The following MGAT4C variants were observed in gnomAD, a reference collection of about 807,000 sequenced individuals.
MGAT4C encodes the protein alpha-1,3-mannosyl-glycoprotein 4-beta-N-acetylglucosaminyltransferase C.
A neutral mutation model predicts 40.1 loss-of-function variants in MGAT4C; 19 were observed. That is an observed-to-expected ratio of 0.47 (90% CI 0.33 to 0.70). The LOEUF is 0.70. Ranked by LOEUF, MGAT4C falls within the 30% of genes least tolerant of loss-of-function variation. MGAT4C has a pLI of 0.02. For missense variants in MGAT4C, 491 were observed against 563.2 expected, an observed-to-expected ratio of 0.87 and a Z score of 1.30; for synonymous variants, 181 against 187.1, an observed-to-expected ratio of 0.97 and a Z score of 0.27.
At chr12:85,993,198 T>C (rs1469249736) in intron 2 of MGAT4C, among the ~76,000 whole-genome samples, 1 of 152,208 alleles carries the variant, frequency 6.6e-6, no homozygotes, top group Non-Finnish European at 1.5e-5. Context: ...TGGAAGGATG[T>C]CGTGTTACTT....
At chr12:86,537,372 A>T (rs78865930) in intron 2 of MGAT4C, among the ~76,000 whole-genome samples, 15 of 139,944 alleles carry the variant, frequency 1.1e-4, no homozygotes, top group Non-Finnish European at 2.1e-4. Context: ...AAAGTATAAC[A>T]AAAAAAAAAC....
chr12:86,211,522 G>A (rs932037715), intron 1 of MGAT4C, among the ~76,000 whole-genome samples: 1 of 151,222 alleles, frequency 6.6e-6, no homozygotes, highest in Non-Finnish European at 1.5e-5. Context: ...GAGAGGCGGA[G>A]CTTGCAGTGA....
chr12:86,435,655 T>C (rs979709280), intron 2 of MGAT4C, among the ~76,000 whole-genome samples: 4 of 151,930 alleles, frequency 2.6e-5, no homozygotes, highest in Admixed American at 6.6e-5. Flanking sequence ...ATTAAGTCTC[T>C]TTCATTTACT....
intron 3 of MGAT4C, among the ~76,000 whole-genome samples, chr12:86,406,739 C>T (rs1956482389): frequency 6.6e-6 from 1 of 151,914 alleles, no homozygotes; most frequent in Non-Finnish European, 1.5e-5. Context: ...TGTGCAAATG[C>T]TATATAACTC....
At chr12:86,312,818 G>T (rs879914577) in intron 4 of MGAT4C, among the ~76,000 whole-genome samples, 3 of 152,130 alleles carry the variant, frequency 2.0e-5, no homozygotes, top group Non-Finnish European at 2.9e-5. Flanking sequence ...TACTGAGTCT[G>T]CATTGGCCCA....
At chr12:86,346,197 C>T (rs1955028770) in intron 3 of MGAT4C, among the ~76,000 whole-genome samples, 1 of 152,044 alleles carries the variant, frequency 6.6e-6, no homozygotes, top group African/African-American at 2.4e-5. Context: ...CAAATATGGG[C>T]TATAATACTA....
intron 2 of MGAT4C, among the ~76,000 whole-genome samples, chr12:86,578,067 A>G (rs534086047): frequency 1.3e-5 from 2 of 151,842 alleles, no homozygotes; most frequent in Non-Finnish European, 2.9e-5. Context: ...TAAGATTGTT[A>G]TTTCTGTGGC....
intron 2 of MGAT4C, among the ~76,000 whole-genome samples, chr12:86,032,685 A>G (rs768378726): frequency 6.7e-6 from 1 of 149,522 alleles, no homozygotes; most frequent in Non-Finnish European, 1.5e-5. Flanking sequence ...GAGGCATAGT[A>G]TGCAAACATT....
At chr12:86,764,387 C>T (rs1951463254) in intron 1 of MGAT4C, among the ~76,000 whole-genome samples, 1 of 152,170 alleles carries the variant, frequency 6.6e-6, no homozygotes, top group Non-Finnish European at 1.5e-5. Context: ...GAGCCCACCA[C>T]AGCTCAAGGA....
chr12:86,128,312 G>A (rs541353697), intron 1 of MGAT4C, among the ~76,000 whole-genome samples: 16 of 152,262 alleles, frequency 1.1e-4, no homozygotes, highest in African/African-American at 3.6e-4. Context: ...TAATTCCTAT[G>A]TGTTGTGGGA....
chr12:86,033,678 TA>T (rs1359573896), intron 2 of MGAT4C, among the ~76,000 whole-genome samples: 3 of 149,614 alleles, frequency 2.0e-5, no homozygotes, highest in African/African-American at 7.3e-5. Context: ...TTTCTAGGTA[TA>T]AAATCATATT....
intron 2 of MGAT4C, among the ~76,000 whole-genome samples, chr12:86,458,196 A>T (rs1036064907): frequency 2.0e-5 from 3 of 152,172 alleles, no homozygotes; most frequent in Admixed American, 6.5e-5. Context: ...ATAAAAAAAT[A>T]CTTAAAATCA....
chr12:86,702,337 G>T (rs1950377796), intron 2 of MGAT4C, among the ~76,000 whole-genome samples: 1 of 151,946 alleles, frequency 6.6e-6, no homozygotes, highest in South Asian at 2.1e-4. Context: ...GCACCATCAG[G>T]CCTGGGCCAG....
chr12:86,068,605 T>A (rs1197979964), intron 1 of MGAT4C: 1 of 149,648 alleles, frequency 6.7e-6, no homozygotes, highest in East Asian at 1.9e-4. Context: ...TTATATTATA[T>A]ATATATATTT....
At chr12:86,309,611 T>C (rs1174550614) in intron 4 of MGAT4C, among the ~76,000 whole-genome samples, 1 of 152,228 alleles carries the variant, frequency 6.6e-6, no homozygotes, top group South Asian at 2.1e-4. Context: ...TTCATCTATC[T>C]ACACTATTGC....
chr12:86,337,517 T>C (rs896035504), intron 3 of MGAT4C, among the ~76,000 whole-genome samples: 15 of 144,124 alleles, frequency 1.0e-4, no homozygotes, highest in Non-Finnish European at 2.1e-4. Flanking sequence ...CAGGAGGCAG[T>C]GGAGATGGCA....
intron 1 of MGAT4C, among the ~76,000 whole-genome samples, chr12:86,753,332 T>G (rs1304156879): frequency 6.6e-6 from 1 of 152,180 alleles, no homozygotes; most frequent in Non-Finnish European, 1.5e-5. Flanking sequence ...AAGGGTGTGT[T>G]CTTGCTGCAA....
chr12:85,996,632 G>A (rs1291844088), intron 2 of MGAT4C, among the ~76,000 whole-genome samples: 1 of 151,988 alleles, frequency 6.6e-6, no homozygotes, highest in African/African-American at 2.4e-5. Flanking sequence ...AAGGAAAGCT[G>A]GACTGGGTAT....
At chr12:86,333,330 T>C (rs1159775198) in intron 4 of MGAT4C, among the ~76,000 whole-genome samples, 1 of 152,222 alleles carries the variant, frequency 6.6e-6, no homozygotes, top group Non-Finnish European at 1.5e-5. Context: ...GTGAAAACTA[T>C]CTTCCAGTTG....
Sources: gnomAD v4.1 joint callset for allele counts (sites outside exome capture counted in the v4.1 genomes callset) on GRCh38, gnomAD v4.1.1 for gene constraint, MANE v1.5 for transcripts, NCBI Gene and HGNC (gene_info 2026-07-23, HGNC 2026-07-21) for gene names.